Variants in SLC6A12 observed in about 807,000 individuals in gnomAD.
SLC6A12 encodes solute carrier family 6 member 12, also known as sodium- and chloride-dependent betaine transporter.
A neutral mutation model predicts 73.3 loss-of-function variants in SLC6A12; 50 were observed. That is an observed-to-expected ratio of 0.68 (90% CI 0.54 to 0.86). The LOEUF (loss-of-function observed/expected upper bound fraction) is 0.86, where lower values mean the gene tolerates loss of function less well. SLC6A12 is among the 40% of genes least tolerant of loss of function. SLC6A12 has a pLI of 0.00. For missense variants in SLC6A12, 648 were observed against 772.8 expected (o/e 0.84, Z 1.92); for synonymous variants, 304 against 309.2 (o/e 0.98, Z 0.18).
At chr12:195,944 CAA>C (rs1939837246) in intron 12 of SLC6A12, among the ~76,000 whole-genome samples, 178 bp downstream of exon 12, 2 of 152,164 alleles carry the variant, frequency 1.3e-5, no homozygotes, top group Admixed American at 1.3e-4. Context: ...CACCTGCAAC[CAA>C]AAGAGACCTC....
At position 197,381 on chromosome 12, in the gene SLC6A12, C is replaced by A; in HGVS notation, c.1071G>T (p.Glu357Asp). ...EQGVPISEVA[E>D]SGPGLAFIAF... The stretch of plus-strand genomic sequence containing the variant: ...AGACAGCAAAGTGGCACCTACCTGA[C>A]TCGGCCACTTCAGAAATGGGCACCC... Residue 357 changes from glutamate to aspartate, a missense_variant, in exon 10 of 16, where the codon GAG becomes GAT. Transcript: ENST00000684302. 6.2e-7 allele frequency: 1 copy of A among 1,613,014 alleles called. No individual in the cohort carries two copies. The highest frequency in any genetic ancestry group is 8.5e-7 in the Non-Finnish European group (1 of 1,179,430).
chr12:200,341 C>G (rs932053502), intron 7 of SLC6A12, among the ~76,000 whole-genome samples: 1 of 151,960 alleles, frequency 6.6e-6, no homozygotes, highest in African/African-American at 2.4e-5. Context: ...ATCTCCTGAC[C>G]TCGTGATCCG....
chr12:202,655 A>G, intron 5 of SLC6A12, 85 bp downstream of exon 5: 1 of 1,431,910 alleles, frequency 7.0e-7, no homozygotes, highest in East Asian at 2.3e-5. Flanking sequence ...TGCTACACTT[A>G]TACTCCCCGT....
intron 7 of SLC6A12, 145 bp downstream of exon 7, chr12:200,506 C>G: frequency 2.5e-6 from 2 of 810,232 alleles, no homozygotes; most frequent in Non-Finnish European, 1.9e-6. Flanking sequence ...GTGGCTCCCC[C>G]TGTTCTCACT....
downstream of SLC6A12, among the ~76,000 whole-genome samples, chr12:189,792 C>T (rs912812344): frequency 2.0e-5 from 3 of 151,932 alleles, no homozygotes; most frequent in South Asian, 2.1e-4. Context: ...GGGTGGGAAA[C>T]GGGTGGAGCC....
chr12:200,238 A>AGT (rs1565471940), intron 7 of SLC6A12, among the ~76,000 whole-genome samples: 5 of 149,042 alleles, frequency 3.4e-5, no homozygotes, highest in Non-Finnish European at 5.9e-5. Flanking sequence ...CCTCCTGCAT[A>AGT]GCTGGGACTA....
intron 11 of SLC6A12, 59 bp downstream of exon 11, chr12:196,711 C>A: frequency 8.2e-7 from 1 of 1,223,964 alleles, no homozygotes; most frequent in East Asian, 2.3e-5. Flanking sequence ...AGTCCCAGGA[C>A]AAGCAAAGGC....
downstream of SLC6A12, among the ~76,000 whole-genome samples, chr12:187,589 C>CA (rs761187495): frequency 3.8e-4 from 40 of 106,050 alleles, no homozygotes; most frequent in African/African-American, 1.1e-3. Flanking sequence ...TGCAAAAGAG[C>CA]AAAAAAAAAA....
At chr12:200,505 C>T in intron 7 of SLC6A12, 146 bp downstream of exon 7, 1 of 802,884 alleles carries the variant, frequency 1.2e-6, no homozygotes. Flanking sequence ...TGTGGCTCCC[C>T]CTGTTCTCAC....
At chr12:183,878 G>T in the SLC6A12 span, among the ~76,000 whole-genome samples, 5 of 151,832 alleles carry the variant, frequency 3.3e-5, no homozygotes, top group East Asian at 9.7e-4. Context: ...ACACTTCAAG[G>T]AACAGATAAT....
At chr12:207,816 A>G (rs2137200583) in intron 3 of SLC6A12, among the ~76,000 whole-genome samples, 1 of 152,284 alleles carries the variant, frequency 6.6e-6, no homozygotes, top group East Asian at 1.9e-4. Flanking sequence ...GGGGACCCCA[A>G]CCTCATTTGG....
Position 200,776 on chromosome 12 carries a change from C to G in SLC6A12, c.586G>C (p.Val196Leu). Reference sequence around the variant, plus strand: ...TGGATGCCCGAGGTGATGCCCAGAACTCGTCTCCTGGAGGATTGGGAAAAA... The same window carrying G: ...TGGATGCCCGAGGTGATGCCCAGAAGTCGTCTCCTGGAGGATTGGGAAAAA... ...SPVMEFWERR[V>L]LGITSGIHDL... The change falls in exon 7 of 16, where the codon GTT becomes CTT. Residue 196 changes from valine (V) to leucine (L), a missense_variant. Coordinates refer to ENST00000684302, the MANE Select transcript of SLC6A12 (RefSeq NM_001122848.3). The G allele has an allele frequency of 1.2e-6, 2 of 1,613,722 alleles. No individual in the cohort carries two copies. Among genetic ancestry groups the G allele is most frequent in the South Asian group, 1.1e-5 (1 of 91,032 alleles).
chr12:210,907 G>C (rs1362219891), intron 2 of SLC6A12, among the ~76,000 whole-genome samples: 1 of 152,188 alleles, frequency 6.6e-6, no homozygotes, highest in Non-Finnish European at 1.5e-5. Flanking sequence ...CTCCAGAAAA[G>C]TGACGTGGGG....
chr12:187,059 G>A (rs1010069461), downstream of SLC6A12, among the ~76,000 whole-genome samples: 2 of 152,200 alleles, frequency 1.3e-5, no homozygotes, highest in African/African-American at 4.8e-5. Flanking sequence ...GAGAAAACCA[G>A]GTGTGACAGA....
chr12:197,783 T>C, intron 9 of SLC6A12, 117 bp downstream of exon 9: 1 of 736,328 alleles, frequency 1.4e-6, no homozygotes, highest in Non-Finnish European at 2.3e-6. Context: ...AAGTTCAGTC[T>C]GATACAACGT....
rs540401589 is a variant in SLC6A12, at chr12:196,108, G to A, written c.1326+16C>T. On this transcript the variant is annotated intron_variant, in intron 12 of 15. Transcript: ENST00000684302. ...TCCCCTGGAGCCTGGCCTGCAGGCC[G>A]GCGGCCGCAGCTCACCTCGGTGACC... 208 of 1,551,432 alleles carry A rather than the reference G, an allele frequency of 1.3e-4. No homozygotes were observed. The highest frequency in any genetic ancestry group is 4.3e-4 in the East Asian group (18 of 41,540).
downstream of SLC6A12, among the ~76,000 whole-genome samples, chr12:186,192 G>A (rs1392628139): frequency 1.3e-5 from 2 of 152,082 alleles, no homozygotes; most frequent in Non-Finnish European, 2.9e-5. Flanking sequence ...TCTCAAAGAG[G>A]GTGACTCTCG....
At chr12:188,583 G>A (rs1939487054), downstream of SLC6A12, among the ~76,000 whole-genome samples, 1 of 152,242 alleles carries the variant, frequency 6.6e-6, no homozygotes, top group African/African-American at 2.4e-5. Context: ...CCGAGAGCGA[G>A]CGAGGGCTGT....
chr12:204,433 T>C, intron 4 of SLC6A12, 131 bp downstream of exon 4: 2 of 925,818 alleles, frequency 2.2e-6, no homozygotes, highest in Non-Finnish European at 3.4e-6. Context: ...TGAAGCCTGA[T>C]TCTGCACTTG....
Sources: gnomAD v4.1 joint callset for allele counts (sites outside exome capture counted in the v4.1 genomes callset) on GRCh38, gnomAD v4.1.1 for gene constraint, MANE v1.5 for transcripts, NCBI Gene and HGNC (gene_info 2026-07-23, HGNC 2026-07-21) for gene names.